PARVA: variants seen among roughly 807,000 people sequenced by gnomAD.
The protein encoded by PARVA is alpha-parvin.
Under a neutral mutation model 52.6 loss-of-function variants are expected in PARVA, and 25 were observed. The ratio of observed to expected loss-of-function variants is 0.48; its 90% CI spans 0.35 to 0.66. The LOEUF (loss-of-function observed/expected upper bound fraction) is 0.66, where lower values mean the gene tolerates loss of function less well. Ranked by LOEUF, PARVA falls within the 30% of genes least tolerant of loss-of-function variation. The pLI is 0.01. For missense variants in PARVA, 373 were observed against 450.9 expected (o/e 0.83, Z 1.56); for synonymous variants, 185 against 179.1 (o/e 1.03, Z -0.26).
At chr11:12,389,344 CT>C (rs1028449755) in intron 1 of PARVA, among the ~76,000 whole-genome samples, 11 of 152,154 alleles carry the variant, frequency 7.2e-5, no homozygotes, top group Admixed American at 6.5e-4. Context: ...ATCCTTGAAG[CT>C]GTCTGAGAAG....
intron 5 of PARVA, among the ~76,000 whole-genome samples, chr11:12,503,062 C>G (rs1366124237): frequency 6.6e-6 from 1 of 152,174 alleles, no homozygotes; most frequent in South Asian, 2.1e-4. Flanking sequence ...CCCAGTGTGA[C>G]CCTGCCTTCT....
At chr11:12,449,413 TC>T (rs1427978096) in intron 1 of PARVA, among the ~76,000 whole-genome samples, 1 of 152,086 alleles carries the variant, frequency 6.6e-6, no homozygotes, top group Non-Finnish European at 1.5e-5. Context: ...TGCCTCACCC[TC>T]CCTAAGTGCT....
chr11:12,479,664 A>C (rs1404866145), intron 4 of PARVA: 1 of 152,166 alleles, frequency 6.6e-6, no homozygotes, highest in African/African-American at 2.4e-5. Context: ...CACACACACA[A>C]ATGTTTCTCT....
At chr11:12,382,446 G>A (rs1939505788) in intron 1 of PARVA, among the ~76,000 whole-genome samples, 1 of 149,698 alleles carries the variant, frequency 6.7e-6, no homozygotes, top group African/African-American at 2.5e-5. Context: ...AATTGTCACA[G>A]ATCTCCAAAA....
At position 12,526,171 on chromosome 11, in the gene PARVA, A is replaced by G; in HGVS notation, c.1043-1678A>G. Among the ~76,000 whole-genome samples the G allele has an allele frequency of 1.3e-5, 2 of 152,192 alleles. 1 individual carries two copies. The highest frequency in any genetic ancestry group is 4.1e-4 in the South Asian group (2 of 4,826). ...AAAATCTCAGAATTCACTGCTATAT[A>G]ATTCATTCATGTAACAGAAAACCAC... On this transcript the variant is annotated intron_variant, in intron 12 of 12. Coordinates refer to ENST00000334956, the MANE Select transcript of PARVA (RefSeq NM_018222.5).
intron 4 of PARVA, among the ~76,000 whole-genome samples, chr11:12,489,542 A>C (rs978636824): frequency 2.0e-5 from 3 of 152,160 alleles, no homozygotes; most frequent in Non-Finnish European, 4.4e-5. Context: ...TCTAGAAGAA[A>C]AGAAAATGGA....
At chr11:12,482,780 C>T (rs1941105829) in intron 4 of PARVA, among the ~76,000 whole-genome samples, 1 of 152,312 alleles carries the variant, frequency 6.6e-6, no homozygotes, top group Non-Finnish European at 1.5e-5. Flanking sequence ...ATTTATAAAA[C>T]CATCAGATAT....
At chr11:12,379,988 A>C (rs993390652) in intron 1 of PARVA, among the ~76,000 whole-genome samples, 1 of 152,184 alleles carries the variant, frequency 6.6e-6, no homozygotes, top group Non-Finnish European at 1.5e-5. Flanking sequence ...GTAGAAATTT[A>C]TCTCTCTGTA....
In PARVA at chr11:12,525,368, C is replaced by T. The variant is rs188668393; in HGVS notation, c.1043-2481C>T. Among the ~76,000 whole-genome samples, 27 of 152,198 alleles carry T rather than the reference C, an allele frequency of 1.8e-4. No homozygotes were observed. The East Asian group carries it at 5.2e-3, about 29-fold the overall frequency. On this transcript the variant is annotated intron_variant, in intron 12 of 12. Coordinates refer to ENST00000334956, the MANE Select transcript of PARVA (RefSeq NM_018222.5). ...ATCCTGCACAGCCATGCCTGGAGGC[C>T]TATCATAGTCTGGCTCCAGTAGGTA...
chr11:12,439,765 C>G (rs542116005), intron 1 of PARVA, among the ~76,000 whole-genome samples: 34 of 152,334 alleles, frequency 2.2e-4, no homozygotes, highest in Middle Eastern at 6.8e-3. Context: ...CTTCTTGTTC[C>G]CTACAGGAGC....
chr11:12,408,218 CT>C (rs1939942625), intron 1 of PARVA, among the ~76,000 whole-genome samples: 1 of 152,190 alleles, frequency 6.6e-6, no homozygotes, highest in South Asian at 2.1e-4. Context: ...GCCCTGCAGC[CT>C]TTCCTGTCGC....
At chr11:12,399,262 A>C (rs1054980020) in intron 1 of PARVA, among the ~76,000 whole-genome samples, 2 of 151,908 alleles carry the variant, frequency 1.3e-5, no homozygotes, top group Non-Finnish European at 2.9e-5. Context: ...AAAGCATTAT[A>C]AAAAATTTTG....
chr11:12,483,082 A>T (rs1304364084), intron 4 of PARVA, among the ~76,000 whole-genome samples: 1 of 152,248 alleles, frequency 6.6e-6, no homozygotes, highest in African/African-American at 2.4e-5. Flanking sequence ...CTGTGTGGCC[A>T]CATGCCCCTT....
Position 12,531,224 on chromosome 11 carries a change from G to A in PARVA, c.*3299G>A, listed in dbSNP as rs1941768568. On this transcript the variant is annotated 3_prime_UTR_variant, in exon 13 of 13. Transcript: ENST00000334956. ...GCACAGAGATGACATTTCCCGATCT[G>A]GGAGAAGGCTTCTTTATCAGCACAT... Among the ~76,000 whole-genome samples the A allele has an allele frequency of 6.6e-6, 1 of 152,200 alleles. No homozygotes were observed.
At chr11:12,478,268 C>T (rs116689711) in intron 4 of PARVA, 1 of 402,304 alleles carries the variant, frequency 2.5e-6, no homozygotes, top group South Asian at 2.1e-5. Context: ...GAAAAGCATG[C>T]CTGTGTGGCC....
intron 4 of PARVA, among the ~76,000 whole-genome samples, chr11:12,486,260 G>A (rs1167998238): frequency 6.6e-6 from 1 of 152,162 alleles, no homozygotes; most frequent in Non-Finnish European, 1.5e-5. Flanking sequence ...AGGGCTGGGC[G>A]CCGTGGCTCA....
At chr11:12,527,678 C>CT (rs1488173602) in intron 12 of PARVA, among the ~76,000 whole-genome samples, 171 bp from the exon 13 acceptor site, 1 of 152,144 alleles carries the variant, frequency 6.6e-6, no homozygotes, top group African/African-American at 2.4e-5. Context: ...GCCCCAGCAC[C>CT]TCTACCCTCA....
rs532114968 is a variant in PARVA, at chr11:12,383,732, C to CTT, written c.136+5950_136+5951insTT. 3.3e-5 allele frequency among the ~76,000 whole-genome samples: 5 copies of CTT among 152,066 alleles called. No homozygotes were observed. The South Asian group carries it at 1.0e-3, about 32-fold the overall frequency. ...GTCGGTCTCAAACTCCTGGGCATAT[C>CTT]TAACTTTTTCTTAATTTTTTTTGAT... On this transcript the variant is annotated intron_variant, in intron 1 of 12. Coordinates refer to ENST00000334956, the MANE Select transcript of PARVA (RefSeq NM_018222.5).
At chr11:12,478,060 G>T (rs1332879528) in intron 4 of PARVA, 111 bp downstream of exon 4, 6 of 766,706 alleles carry the variant, frequency 7.8e-6, no homozygotes, top group South Asian at 2.8e-5. Context: ...CCTGGAAATG[G>T]ATTACAAATG....
Sources: gnomAD v4.1 joint callset for allele counts (sites outside exome capture counted in the v4.1 genomes callset) on GRCh38, gnomAD v4.1.1 for gene constraint, MANE v1.5 for transcripts, NCBI Gene and HGNC (gene_info 2026-07-23, HGNC 2026-07-21) for gene names.